RAD51B: variants seen among roughly 807,000 people sequenced by gnomAD.
The protein encoded by RAD51B is RAD51 paralog B, also known as DNA repair protein RAD51 homolog 2.
Under a neutral mutation model 42.2 loss-of-function variants are expected in RAD51B, and 38 were observed. The ratio of observed to expected loss-of-function variants is 0.90; its 90% CI spans 0.70 to 1.18. The LOEUF (loss-of-function observed/expected upper bound fraction) is 1.18, where lower values mean the gene tolerates loss of function less well. Among genes scored for constraint, RAD51B ranks in the 50% most tolerant of loss-of-function variants. RAD51B has a pLI of 0.00. For synonymous variants in RAD51B, 154 were observed against 145.2 expected, an observed-to-expected ratio of 1.06 and a Z score of -0.43; for missense variants, 373 against 400.7, an observed-to-expected ratio of 0.93 and a Z score of 0.59.
intron 7 of RAD51B, among the ~76,000 whole-genome samples, chr14:68,212,057 C>T (rs1286085139): frequency 6.6e-6 from 1 of 152,180 alleles, no homozygotes; most frequent in Non-Finnish European, 1.5e-5. Context: ...GTTTGCTCCA[C>T]CAGTTTGTTG....
At chr14:68,650,913 A>G in intron 11 of RAD51B, 1 of 690,576 alleles carries the variant, frequency 1.4e-6, no homozygotes, top group South Asian at 1.5e-5. Flanking sequence ...CTACCACAGG[A>G]AGAGATCAGA....
intron 8 of RAD51B, chr14:68,306,711 C>T: frequency 2.1e-6 from 1 of 485,268 alleles, no homozygotes; most frequent in East Asian, 5.6e-5. Flanking sequence ...TCGTTGAAAA[C>T]ACATGAGTTA....
intron 8 of RAD51B, among the ~76,000 whole-genome samples, chr14:68,370,891 G>T (rs2083240683): frequency 6.6e-6 from 1 of 151,564 alleles, no homozygotes; most frequent in East Asian, 2.0e-4. Flanking sequence ...AAAAAAATTA[G>T]CCGGACGTGG....
intron 7 of RAD51B, among the ~76,000 whole-genome samples, chr14:68,159,967 C>T (rs2078602612): frequency 6.6e-6 from 1 of 151,954 alleles, no homozygotes; most frequent in South Asian, 2.1e-4. Context: ...TACCCTATAC[C>T]CACAACAGAA....
chr14:68,487,253 G>A (rs537585099), intron 10 of RAD51B, among the ~76,000 whole-genome samples: 1 of 152,144 alleles, frequency 6.6e-6, no homozygotes, highest in African/African-American at 2.4e-5. Context: ...GCAGGTGGAC[G>A]TCATCTCTCT....
chr14:68,666,001 C>T (rs1566967507), intron 11 of RAD51B, among the ~76,000 whole-genome samples: 1 of 152,058 alleles, frequency 6.6e-6, no homozygotes, highest in Non-Finnish European at 1.5e-5. Context: ...AAGGTCTTCC[C>T]TAGGACTTCT....
At chr14:68,416,197 T>G (rs2084554407) in intron 9 of RAD51B, among the ~76,000 whole-genome samples, 2 of 152,224 alleles carry the variant, frequency 1.3e-5, no homozygotes. Context: ...AGTATTTCTT[T>G]GCATCTTGGA....
At chr14:68,297,193 T>C (rs1355346835) in intron 8 of RAD51B, among the ~76,000 whole-genome samples, 1 of 152,232 alleles carries the variant, frequency 6.6e-6, no homozygotes, top group Admixed American at 6.5e-5. Context: ...CAGAGACTCA[T>C]GGTTGTGAAA....
chr14:68,638,522 G>A (rs2140128296), intron 10 of RAD51B, among the ~76,000 whole-genome samples: 1 of 152,244 alleles, frequency 6.6e-6, no homozygotes, highest in Non-Finnish European at 1.5e-5. Context: ...GGATGAGCTG[G>A]TTGTGTACAC....
At chr14:68,113,635 G>A (rs1167790270) in intron 7 of RAD51B, 4 of 152,054 alleles carry the variant, frequency 2.6e-5, no homozygotes, top group African/African-American at 7.2e-5. Context: ...GCTGATTACT[G>A]TGAGAAGGCT....
chr14:68,252,037 C>T (rs1390880146), intron 7 of RAD51B, among the ~76,000 whole-genome samples: 2 of 152,256 alleles, frequency 1.3e-5, no homozygotes, highest in South Asian at 4.2e-4. Context: ...AGCCAATAGC[C>T]TTTCTTTTTG....
At chr14:68,418,273 C>T (rs1566871811) in intron 9 of RAD51B, among the ~76,000 whole-genome samples, 1 of 152,156 alleles carries the variant, frequency 6.6e-6, no homozygotes, top group Non-Finnish European at 1.5e-5. Flanking sequence ...AAACTGAAAA[C>T]ATTTCTTTTT....
chr14:67,843,138 T>A (rs1207463875), intron 4 of RAD51B, among the ~76,000 whole-genome samples: 1 of 151,958 alleles, frequency 6.6e-6, no homozygotes, highest in Non-Finnish European at 1.5e-5. Context: ...TTTCTTTTTT[T>A]TTTTCTTTTT....
intron 8 of RAD51B, among the ~76,000 whole-genome samples, chr14:68,393,642 G>A (rs138039324): frequency 5.3e-5 from 8 of 152,254 alleles, no homozygotes; most frequent in African/African-American, 9.6e-5. Context: ...TTATTGAGCC[G>A]CTCCATGGGA....
At chr14:68,526,004 C>T (rs1007065940) in intron 10 of RAD51B, among the ~76,000 whole-genome samples, 2 of 152,172 alleles carry the variant, frequency 1.3e-5, no homozygotes, top group Non-Finnish European at 2.9e-5. Context: ...TCCTGAGGCT[C>T]TGGTTCAGGT....
intron 4 of RAD51B, among the ~76,000 whole-genome samples, chr14:67,846,245 G>A (rs898125100): frequency 6.6e-6 from 1 of 152,198 alleles, no homozygotes; most frequent in Non-Finnish European, 1.5e-5. Context: ...GGGTAGTGCG[G>A]TGCTGGCAGG....
downstream of RAD51B, among the ~76,000 whole-genome samples, chr14:68,615,908 A>G (rs61224239): frequency 0.26 from 39,108 of 152,104 alleles, 5,905 homozygotes; most frequent in African/African-American, 0.41. Context: ...AATTACAAGT[A>G]CATGTAACAT....
At chr14:68,669,700 T>G (rs895925831) in intron 11 of RAD51B, among the ~76,000 whole-genome samples, 1 of 151,938 alleles carries the variant, frequency 6.6e-6, no homozygotes, top group Non-Finnish European at 1.5e-5. Flanking sequence ...ATCACATTTG[T>G]AGCAGAGCCC....
intron 7 of RAD51B, among the ~76,000 whole-genome samples, chr14:67,962,198 A>T (rs2074684228): frequency 6.6e-6 from 1 of 152,174 alleles, no homozygotes; most frequent in Admixed American, 6.5e-5. Flanking sequence ...AGATGAAAGC[A>T]ATTTGGTTAA....
Sources: allele counts gnomAD v4.1 joint callset (sites outside exome capture counted in the v4.1 genomes callset), GRCh38; gene constraint gnomAD v4.1.1; transcripts MANE v1.5; gene names NCBI Gene and HGNC (gene_info 2026-07-23, HGNC 2026-07-21).